The following ADGRL2 variants were observed in gnomAD, a reference collection of about 807,000 sequenced individuals.
ADGRL2 encodes the protein adhesion G protein-coupled receptor L2.
In ADGRL2, 44 loss-of-function variants were observed where a neutral mutation model predicts 157.4. That is an observed-to-expected ratio of 0.28 (90% CI 0.22 to 0.36). The LOEUF is 0.36. ADGRL2 is among the 10% of genes least tolerant of loss of function. ADGRL2 has a pLI of 1.00. For missense variants in ADGRL2, 1,510 were observed against 1,768.9 expected, an observed-to-expected ratio of 0.85 and a Z score of 2.63; for synonymous variants, 585 against 624.7, an observed-to-expected ratio of 0.94 and a Z score of 0.95.
intron 3 of ADGRL2, among the ~76,000 whole-genome samples, chr1:81,640,622 C>A (rs965194893): frequency 1.6e-5 from 2 of 126,964 alleles, no homozygotes; most frequent in South Asian, 4.8e-4. Context: ...CAGAGCCAGA[C>A]TCCATCTCAA....
intron 2 of ADGRL2, among the ~76,000 whole-genome samples, chr1:81,854,954 A>C: frequency 6.6e-6 from 1 of 152,194 alleles, no homozygotes; most frequent in East Asian, 1.9e-4. Context: ...GGTGAGAGAT[A>C]ATCATTGAAA....
In ADGRL2 at chr1:81,351,125, A is replaced by G. The variant is rs569238985; in HGVS notation, c.-302+44616A>G. Among the ~76,000 whole-genome samples, 5 of 152,250 alleles carry G rather than the reference A, an allele frequency of 3.3e-5. No individual in the cohort carries two copies. In the East Asian group the frequency reaches 9.7e-4, roughly 29 times the overall value. On this transcript the variant is annotated intron_variant, in intron 1 of 24. Transcript: ENST00000370721. ...AAGGGTCGCTTAGCATTTCCATTACAAATCTTGACTTTCAGAGGTTTAACG... is the reference window on the plus strand; with the variant it reads ...AAGGGTCGCTTAGCATTTCCATTACGAATCTTGACTTTCAGAGGTTTAACG...
At chr1:81,335,842 AAAAAAAC>A (rs1256049820) in intron 1 of ADGRL2, among the ~76,000 whole-genome samples, 127 of 152,100 alleles carry the variant, frequency 8.3e-4, no homozygotes, top group African/African-American at 2.3e-3. Flanking sequence ...TTTAAAAAAA[AAAAAAAC>A]AAAAAACAAA....
At chr1:81,353,330 C>A (rs897787086) in intron 1 of ADGRL2, among the ~76,000 whole-genome samples, 3 of 152,058 alleles carry the variant, frequency 2.0e-5, no homozygotes, top group Non-Finnish European at 2.9e-5. Flanking sequence ...GATTTTTGAG[C>A]AGGTAAAGGC....
intron 2 of ADGRL2, among the ~76,000 whole-genome samples, chr1:81,780,126 C>T (rs2086753489): frequency 6.6e-6 from 1 of 152,156 alleles, no homozygotes; most frequent in Non-Finnish European, 1.5e-5. Flanking sequence ...CAGTGTTCCT[C>T]CATCTACAGG....
At chr1:81,624,287 A>G (rs1311778480) in intron 3 of ADGRL2, among the ~76,000 whole-genome samples, 1 of 152,192 alleles carries the variant, frequency 6.6e-6, no homozygotes, top group Non-Finnish European at 1.5e-5. Context: ...ATTAAAAGTA[A>G]TACAGTTATC....
intron 1 of ADGRL2, among the ~76,000 whole-genome samples, chr1:81,739,462 T>G (rs2149216039): frequency 6.6e-6 from 1 of 152,288 alleles, no homozygotes; most frequent in Middle Eastern, 3.4e-3. Context: ...ACCATCAGCT[T>G]ACTCGAGAAA....
rs529492194 is a variant in ADGRL2 at position 81,431,497 on chromosome 1, G to A, written c.-301-13539G>A. On this transcript the variant is annotated intron_variant, in intron 1 of 24. Transcript: ENST00000370721. Reference sequence around the variant, plus strand: ...TCCCATTCAAATTCAAAGTGGTAGCGTGGAGGAGGGGTGGAAACTGAAGAC... The same window carrying A: ...TCCCATTCAAATTCAAAGTGGTAGCATGGAGGAGGGGTGGAAACTGAAGAC... 1.6e-4 allele frequency among the ~76,000 whole-genome samples: 24 copies of A among 152,290 alleles called. 1 individual carries two copies. The highest frequency in any genetic ancestry group is 5.8e-4 in the East Asian group (3 of 5,174).
In ADGRL2 at chr1:81,880,018, C is replaced by T. The variant is rs558117779; in HGVS notation, c.74-26999C>T. Among the ~76,000 whole-genome samples the T allele has an allele frequency of 2.6e-5, 4 of 152,252 alleles. No individual in the cohort carries two copies. In the East Asian group the frequency reaches 5.8e-4, roughly 22 times the overall value. ...CTCCAATCTAGGCGATAGAGTGAGA[C>T]ATTGTATCTAAATAAATAAATAAAT... is the stretch of plus-strand genomic sequence containing the variant. On this transcript the variant is annotated intron_variant, in intron 2 of 23. Coordinates refer to ENST00000686636, the MANE Select transcript of ADGRL2 (RefSeq NM_001366006.2).
Position 81,956,063 on chromosome 1 carries a change from A to G in ADGRL2, c.2017+3A>G, listed in dbSNP as rs1461407500. On this transcript the variant is annotated splice_donor_region_variant and intron_variant, in intron 11 of 23. Coordinates refer to ENST00000686636, the MANE Select transcript of ADGRL2 (RefSeq NM_001366006.2). ...CTCAATGCCCACAGAAAATATTGGT[A>G]AGTGAATCTACTGTCAAGTTTAATT... is the stretch of plus-strand genomic sequence containing the variant. The G allele has an allele frequency of 5.1e-6, 8 of 1,583,312 alleles. No individual in the cohort carries two copies. The highest frequency in any genetic ancestry group is 5.1e-6 in the Non-Finnish European group (6 of 1,166,922).
chr1:81,842,193 G>T (rs2150318645), intron 2 of ADGRL2, among the ~76,000 whole-genome samples: 1 of 151,796 alleles, frequency 6.6e-6, no homozygotes, highest in East Asian at 1.9e-4. Context: ...AGTATTTTTG[G>T]AAAAAATGAT....
At chr1:81,961,657 A>G (rs1655436982) in intron 11 of ADGRL2, among the ~76,000 whole-genome samples, 1 of 151,580 alleles carries the variant, frequency 6.6e-6, no homozygotes, top group African/African-American at 2.4e-5. Flanking sequence ...ACAGGCATGC[A>G]TCACTACGCC....
At chr1:81,354,826 T>C (rs942256257) in intron 1 of ADGRL2, among the ~76,000 whole-genome samples, 1 of 152,184 alleles carries the variant, frequency 6.6e-6, no homozygotes, top group Admixed American at 6.5e-5. Context: ...TTTTACCAAA[T>C]AGGTCTTAGT....
intron 3 of ADGRL2, among the ~76,000 whole-genome samples, chr1:81,640,438 T>A (rs2082196758): frequency 6.6e-6 from 1 of 151,790 alleles, no homozygotes; most frequent in Admixed American, 6.6e-5. Flanking sequence ...ATCGAGACCA[T>A]CCTGGCCAAC....
intron 2 of ADGRL2, among the ~76,000 whole-genome samples, chr1:81,454,687 G>A (rs1165989184): frequency 4.6e-5 from 7 of 152,082 alleles, no homozygotes; most frequent in African/African-American, 9.7e-5. Flanking sequence ...GCAGTCAATC[G>A]ACTACGAACT....
At chr1:81,509,192 A>C (rs1425628716) in intron 2 of ADGRL2, among the ~76,000 whole-genome samples, 1 of 152,166 alleles carries the variant, frequency 6.6e-6, no homozygotes, top group Non-Finnish European at 1.5e-5. Context: ...CAATGCACAG[A>C]AACTCACAAA....
Position 81,993,071 on chromosome 1 carries a change from ATATATATATATATATATTTTTTTTTTTT to A in ADGRL2, c.*1928_*1955del, listed in dbSNP as rs1412003288. 1.1e-3 allele frequency among the ~76,000 whole-genome samples: 32 copies of A among 29,484 alleles called. 1 individual carries two copies. Among genetic ancestry groups the A allele is most frequent in the African/African-American group, 5.9e-3 (29 of 4,914 alleles). The allele number at this position is 29,484 out of a possible 152,430, so 19.3% of individuals were successfully genotyped here. ...ATATATAATATACATATATATATAT[ATATATATATATATATATTTTTTTTTTTT>A]TTTTTTTTTTTTTTTTTTTTGGGAC... On this transcript the variant is annotated 3_prime_UTR_variant, in exon 24 of 24. Coordinates refer to ENST00000686636, the MANE Select transcript of ADGRL2 (RefSeq NM_001366006.2).
At chr1:81,609,295 C>G (rs765236349) in intron 3 of ADGRL2, among the ~76,000 whole-genome samples, 3 of 152,150 alleles carry the variant, frequency 2.0e-5, no homozygotes, top group African/African-American at 7.2e-5. Context: ...CCATCTTGGC[C>G]TCTCAAAGTG....
At chr1:81,612,715 C>T (rs1004821134) in intron 3 of ADGRL2, among the ~76,000 whole-genome samples, 5 of 151,926 alleles carry the variant, frequency 3.3e-5, no homozygotes, top group African/African-American at 7.2e-5. Context: ...AAAACAATGA[C>T]GACAAACAAA....
Sources: gnomAD v4.1 joint callset for allele counts (sites outside exome capture counted in the v4.1 genomes callset) on GRCh38, gnomAD v4.1.1 for gene constraint, MANE v1.5 for transcripts, NCBI Gene and HGNC (gene_info 2026-07-23, HGNC 2026-07-21) for gene names.